The following ZBTB20 variants were observed in gnomAD, a reference collection of about 807,000 sequenced individuals.
ZBTB20 encodes the protein zinc finger and BTB domain containing 20, also known as zinc finger and BTB domain-containing protein 20.
Under a neutral mutation model 56.9 loss-of-function variants are expected in ZBTB20, and 9 were observed. That is an observed-to-expected ratio of 0.16 (90% confidence interval 0.10 to 0.28). ZBTB20 has a LOEUF of 0.28. ZBTB20 is among the 10% of genes least tolerant of loss of function. The pLI is 1.00. For synonymous variants in ZBTB20, 417 were observed against 420.7 expected (o/e 0.99, Z 0.11); for missense variants, 655 against 1,003.0 (o/e 0.65, Z 4.69).
In ZBTB20 at chr3:115,138,927, T is replaced by C. The variant is rs79418908; in HGVS notation, c.-703+8292A>G. 6.8e-3 allele frequency among the ~76,000 whole-genome samples: 1,028 copies of C among 152,116 alleles called. 13 individuals carry two copies. Among genetic ancestry groups the C allele is most frequent in the African/African-American group, 0.023 (947 of 41,484 alleles). On this transcript the variant is annotated intron_variant, in intron 1 of 11. Coordinates refer to ENST00000675478, the MANE Select transcript of ZBTB20 (RefSeq NM_001348800.3). Reference sequence around the variant, plus strand: ...GAAGAGTTACAGTGATTCTTCAATATGTATACTGGGTTTCAGTTAACACTA... The same window carrying C: ...GAAGAGTTACAGTGATTCTTCAATACGTATACTGGGTTTCAGTTAACACTA...
chr3:114,444,655 C>A (rs1213295932), intron 7 of ZBTB20, among the ~76,000 whole-genome samples: 1 of 152,038 alleles, frequency 6.6e-6, no homozygotes, highest in African/African-American at 2.4e-5. Context: ...TTTAAGTTTT[C>A]TTATTGGCAA....
At chr3:114,647,517 T>C (rs1459865495) in intron 6 of ZBTB20, among the ~76,000 whole-genome samples, 1 of 152,174 alleles carries the variant, frequency 6.6e-6, no homozygotes, top group Non-Finnish European at 1.5e-5. Flanking sequence ...TTTGGCAATT[T>C]CCTTAGGTTG....
Position 114,479,683 on chromosome 3 carries a change from T to C in ZBTB20, c.-255+20669A>G, listed in dbSNP as rs368645172. Among the ~76,000 whole-genome samples, 30 of 152,366 alleles carry C rather than the reference T, an allele frequency of 2.0e-4. No homozygotes were observed. The East Asian group carries it at 5.2e-3, about 26-fold the overall frequency. On this transcript the variant is annotated intron_variant, in intron 7 of 11. Coordinates refer to ENST00000675478, the MANE Select transcript of ZBTB20 (RefSeq NM_001348800.3). The stretch of plus-strand genomic sequence containing the variant: ...TATGTGTGTTTCTAATTCTATACTA[T>C]CTTGAAAATGGCTCAGCGTTCTAGA...
At chr3:114,995,316 CTTA>C (rs1035554844) in intron 2 of ZBTB20, among the ~76,000 whole-genome samples, 14 of 151,742 alleles carry the variant, frequency 9.2e-5, no homozygotes, top group African/African-American at 3.4e-4. Flanking sequence ...AATTTCGTGC[CTTA>C]TTATACTTTT....
chr3:114,351,395 T>C lies in ZBTB20; in HGVS notation c.683A>G (p.Glu228Gly). Residue 228 changes from glutamate (E) to glycine (G), a missense_variant, in exon 11 of 12, where the codon GAG (glutamate) becomes GGG (glycine). By Grantham distance (98) the Glu-to-Gly change is moderately conservative. Around this residue, in one of 10 missense-constraint regions of ZBTB20, gnomAD observed 167 missense variants for 281.9 expected, o/e 0.59. Coordinates refer to ENST00000675478, the MANE Select transcript of ZBTB20 (RefSeq NM_001348800.3). ...SGTSGQSSDT[E>G]SGYLQSHPQH... ...TGGGTGGCTCTGCAGGTAGCCCGAC[T>C]CCGTGTCGCTGCTCTGGCCTGACGT... 6.2e-7 allele frequency: 1 copy of C among 1,612,398 alleles called. No individual in the cohort carries two copies. Among genetic ancestry groups the C allele is most frequent in the Non-Finnish European group, 8.5e-7 (1 of 1,179,908 alleles).
intron 7 of ZBTB20, among the ~76,000 whole-genome samples, chr3:114,405,781 CA>C (rs968046012): frequency 2.0e-5 from 3 of 152,108 alleles, no homozygotes; most frequent in Admixed American, 2.0e-4. Context: ...TGGCTAACTG[CA>C]AATCTCTGTG....
intron 7 of ZBTB20, among the ~76,000 whole-genome samples, chr3:114,437,509 A>T (rs1439881464): frequency 6.6e-6 from 1 of 152,118 alleles, no homozygotes; most frequent in Non-Finnish European, 1.5e-5. Context: ...AAGAGGTAGA[A>T]GAAATTAACC....
intron 2 of ZBTB20, among the ~76,000 whole-genome samples, chr3:114,980,122 T>G (rs1325058379): frequency 6.6e-6 from 1 of 152,060 alleles, no homozygotes; most frequent in African/African-American, 2.4e-5. Flanking sequence ...TTTACTTGTC[T>G]GTTTAAAAGT....
intron 7 of ZBTB20, among the ~76,000 whole-genome samples, chr3:114,391,726 G>A (rs1224686448): frequency 6.6e-6 from 1 of 152,060 alleles, no homozygotes; most frequent in Admixed American, 6.6e-5. Context: ...ATAGAAACGG[G>A]GACTAAATTG....
At chr3:114,890,055 T>A (rs9825363) in intron 4 of ZBTB20, among the ~76,000 whole-genome samples, 58,770 of 151,930 alleles carry the variant, frequency 0.39, 12,768 homozygotes, top group East Asian at 0.79. Context: ...AGCCAATAAG[T>A]GATAACAGAG....
intron 5 of ZBTB20, among the ~76,000 whole-genome samples, chr3:114,756,681 T>C (rs904442322): frequency 6.6e-6 from 1 of 152,278 alleles, no homozygotes; most frequent in East Asian, 1.9e-4. Flanking sequence ...CAAAAACTTG[T>C]ATTCAGGCTA....
intron 1 of ZBTB20, among the ~76,000 whole-genome samples, chr3:115,079,587 C>A (rs1004405843): frequency 1.3e-5 from 2 of 152,046 alleles, no homozygotes; most frequent in Non-Finnish European, 2.9e-5. Context: ...TGGGGTTTCA[C>A]CATGTTGTCC....
At chr3:114,646,775 C>A (rs910152788) in intron 6 of ZBTB20, among the ~76,000 whole-genome samples, 1 of 152,052 alleles carries the variant, frequency 6.6e-6, no homozygotes, top group Non-Finnish European at 1.5e-5. Context: ...AAGGGTATTC[C>A]TAAGGGAACT....
intron 6 of ZBTB20, among the ~76,000 whole-genome samples, chr3:114,647,059 T>G (rs186706419): frequency 6.6e-6 from 1 of 151,858 alleles, no homozygotes; most frequent in Non-Finnish European, 1.5e-5. Flanking sequence ...CCCGGGTTCA[T>G]GCCATTCTCC....
chr3:115,104,710 A>G (rs2083673453), intron 1 of ZBTB20, among the ~76,000 whole-genome samples: 1 of 152,202 alleles, frequency 6.6e-6, no homozygotes, highest in South Asian at 2.1e-4. Flanking sequence ...AGTTTAGGGT[A>G]GAGAGAGGGA....
chr3:114,368,214 CAT>C (rs2082629989), intron 10 of ZBTB20, among the ~76,000 whole-genome samples: 1 of 152,036 alleles, frequency 6.6e-6, no homozygotes, highest in Non-Finnish European at 1.5e-5. Flanking sequence ...GAAATGGAAA[CAT>C]AGGGAGGTTA....
intron 1 of ZBTB20, among the ~76,000 whole-genome samples, chr3:115,131,899 C>G (rs2084516810): frequency 6.6e-6 from 1 of 152,150 alleles, no homozygotes; most frequent in Non-Finnish European, 1.5e-5. Flanking sequence ...ATCATTTCCA[C>G]TGATCTATTA....
At chr3:114,880,108 C>G (rs182375070) in intron 4 of ZBTB20, among the ~76,000 whole-genome samples, 2 of 152,208 alleles carry the variant, frequency 1.3e-5, no homozygotes, top group Admixed American at 1.3e-4. Flanking sequence ...GTGATGAATA[C>G]AAATCTTTTA....
chr3:114,989,576 C>A (rs2078707583), intron 2 of ZBTB20, among the ~76,000 whole-genome samples: 1 of 152,074 alleles, frequency 6.6e-6, no homozygotes, highest in South Asian at 2.1e-4. Flanking sequence ...ATTGTCTTGG[C>A]AATGTGGGCT....
Sources: allele counts gnomAD v4.1 joint callset (sites outside exome capture counted in the v4.1 genomes callset), GRCh38; gene constraint gnomAD v4.1.1; regional missense constraint gnomAD v4.1.1; transcripts MANE v1.5; gene names NCBI Gene and HGNC (gene_info 2026-07-23, HGNC 2026-07-21).